EGFR: variants seen among roughly 807,000 people sequenced by gnomAD.
The protein encoded by EGFR is epidermal growth factor receptor.
EGFR carries 58 observed loss-of-function variants against 143.0 expected under a neutral mutation model. The ratio of observed to expected loss-of-function variants is 0.41; its 90% CI spans 0.33 to 0.50. The LOEUF (loss-of-function observed/expected upper bound fraction) is 0.50. Ranked by LOEUF, EGFR falls within the 20% of genes least tolerant of loss-of-function variation. The pLI is 0.39. For missense variants in EGFR, 1,307 were observed against 1,579.0 expected, an observed-to-expected ratio of 0.83 and a Z score of 2.92; for synonymous variants, 613 against 594.4, an observed-to-expected ratio of 1.03 and a Z score of -0.45.
chr7:55,177,440 T>G (rs944985228), intron 19 of EGFR, among the ~76,000 whole-genome samples: 7 of 152,178 alleles, frequency 4.6e-5, no homozygotes, highest in African/African-American at 1.7e-4. Context: ...CACGTTCCCC[T>G]GCAGACACCA....
In EGFR at chr7:55,095,465, C is replaced by A. The variant is rs187167337; in HGVS notation, c.89-46821C>A. Among the ~76,000 whole-genome samples, 7 of 152,328 alleles carry A rather than the reference C, an allele frequency of 4.6e-5. No homozygotes were observed. The East Asian group carries it at 1.3e-3, about 29-fold the overall frequency. ...CAGTGGGTCCTGAATTAGGCCCTGTCCTTTGGGAGAGACAGTCCTGGTTCA... is the reference window on the plus strand; with the variant it reads ...CAGTGGGTCCTGAATTAGGCCCTGTACTTTGGGAGAGACAGTCCTGGTTCA... On this transcript the variant is annotated intron_variant, in intron 1 of 27. Coordinates refer to ENST00000275493, the MANE Select transcript of EGFR (RefSeq NM_005228.5).
At chr7:55,022,078 G>A (rs1478909933) in intron 1 of EGFR, among the ~76,000 whole-genome samples, 1 of 152,156 alleles carries the variant, frequency 6.6e-6, no homozygotes, top group African/African-American at 2.4e-5. Context: ...GCTTCAACGC[G>A]GGCTGTCCGG....
intron 1 of EGFR, among the ~76,000 whole-genome samples, chr7:55,142,011 A>G (rs1031209179): frequency 6.6e-6 from 1 of 152,158 alleles, no homozygotes; most frequent in Non-Finnish European, 1.5e-5. Flanking sequence ...GGGACAAGCT[A>G]TCTCTTATTA....
chr7:55,200,735 G>A (rs958847108), intron 24 of EGFR: 11 of 502,770 alleles, frequency 2.2e-5, no homozygotes, highest in African/African-American at 1.7e-4. Flanking sequence ...TCAGGCAGAC[G>A]TGGCTTCACA....
chr7:55,160,356 G>C lies in EGFR; in HGVS notation c.1498+18G>C, dbSNP rs2128941811. The stretch of plus-strand genomic sequence containing the variant: ...CAGCTGCAGTAAGTCACCGCTTTCT[G>C]TTTAGTTTATGGAGTTGGTTCTAAT... On this transcript the variant is annotated intron_variant, in intron 12 of 27. Coordinates refer to ENST00000275493, the MANE Select transcript of EGFR (RefSeq NM_005228.5). 6.2e-7 allele frequency: 1 copy of C among 1,611,292 alleles called. No individual in the cohort carries two copies. Among genetic ancestry groups the C allele is most frequent in the Non-Finnish European group, 8.5e-7 (1 of 1,179,706 alleles).
At chr7:55,064,874 A>C (rs1418548165) in intron 1 of EGFR, among the ~76,000 whole-genome samples, 2 of 152,238 alleles carry the variant, frequency 1.3e-5, no homozygotes, top group Non-Finnish European at 2.9e-5. Context: ...TGTTTTAGCA[A>C]ATAACCTGCC....
chr7:55,057,052 G>A (rs1358020731), intron 1 of EGFR, among the ~76,000 whole-genome samples: 3 of 152,214 alleles, frequency 2.0e-5, no homozygotes, highest in Admixed American at 6.5e-5. Flanking sequence ...CAGACTTATA[G>A]GTGGTGCGAC....
intron 23 of EGFR, among the ~76,000 whole-genome samples, chr7:55,199,620 C>CT (rs1278025538): frequency 6.6e-6 from 1 of 152,206 alleles, no homozygotes; most frequent in African/African-American, 2.4e-5. Flanking sequence ...GCTTGATATG[C>CT]TGTGGATGGA....
At chr7:55,081,248 G>A (rs769598026) in intron 1 of EGFR, among the ~76,000 whole-genome samples, 13 of 152,274 alleles carry the variant, frequency 8.5e-5, no homozygotes, top group South Asian at 2.1e-4. Flanking sequence ...GACTTTTGGC[G>A]GCAGAAGGAA....
intron 1 of EGFR, among the ~76,000 whole-genome samples, chr7:55,133,207 C>T (rs1271541679): frequency 1.3e-5 from 2 of 152,154 alleles, no homozygotes; most frequent in Admixed American, 6.5e-5. Flanking sequence ...AGGGTGCCTT[C>T]GGTTGTGAGG....
intron 7 of EGFR, among the ~76,000 whole-genome samples, chr7:55,155,573 C>G (rs553856366): frequency 3.7e-4 from 56 of 152,242 alleles, no homozygotes; most frequent in Non-Finnish European, 7.5e-4. Flanking sequence ...CGCAAAACAG[C>G]TGGCCCCTCA....
intron 1 of EGFR, among the ~76,000 whole-genome samples, chr7:55,045,721 G>C (rs1403524894): frequency 6.6e-6 from 1 of 152,224 alleles, no homozygotes; most frequent in Non-Finnish European, 1.5e-5. Flanking sequence ...AAAGTGAAAA[G>C]TGCCTGGCAT....
At chr7:55,072,535 A>C (rs1789892175) in intron 1 of EGFR, among the ~76,000 whole-genome samples, 1 of 152,140 alleles carries the variant, frequency 6.6e-6, no homozygotes, top group Admixed American at 6.5e-5. Flanking sequence ...TGCTCTCATG[A>C]GTGGTGATGC....
At chr7:55,169,139 C>T (rs1786221481) in intron 15 of EGFR, among the ~76,000 whole-genome samples, 1 of 150,654 alleles carries the variant, frequency 6.6e-6, no homozygotes, top group African/African-American at 2.4e-5. Context: ...CTTGTTCTGT[C>T]ACCCTGGCTG....
rs369585356 is a variant in EGFR at position 55,205,585 on chromosome 7, G to A, written c.3601G>A (p.Ala1201Thr). 20 of 1,613,998 alleles carry A rather than the reference G, an allele frequency of 1.2e-5. No individual in the cohort carries two copies. Among genetic ancestry groups the A allele is most frequent in the African/African-American group, 5.3e-5 (4 of 74,902 alleles). The change falls in exon 28 of 28, where the codon GCG (alanine) becomes ACG (threonine). Residue 1201 changes from alanine (A) to threonine (T), a missense_variant. Transcript: ENST00000275493. The part of the protein sequence containing the change: ...TAENAEYLRV[A>T]PQSSEFIGA ...TGAAAATGCAGAATACCTAAGGGTC[G>A]CGCCACAAAGCAGTGAATTTATTGG...
intron 4 of EGFR, among the ~76,000 whole-genome samples, chr7:55,150,616 T>C (rs1220132211): frequency 1.3e-5 from 2 of 152,202 alleles, no homozygotes; most frequent in Non-Finnish European, 2.9e-5. Flanking sequence ...TATATAGATA[T>C]AGCACTTCGA....
At chr7:55,205,125 G>C (rs1583664895) in intron 27 of EGFR, 131 bp from the exon 28 acceptor site, 4 of 1,367,046 alleles carry the variant, frequency 2.9e-6, no homozygotes, top group African/African-American at 2.9e-5. Flanking sequence ...CAGCAAGAGG[G>C]CCCTCCCGAG....
intron 24 of EGFR, 118 bp from the exon 25 acceptor site, chr7:55,201,070 T>C (rs1283166977): frequency 7.8e-7 from 1 of 1,277,134 alleles, no homozygotes. Context: ...GGGATTTCAT[T>C]ATAACAAAAT....
At chr7:55,038,746 G>A (rs954137303) in intron 1 of EGFR, among the ~76,000 whole-genome samples, 13 of 151,838 alleles carry the variant, frequency 8.6e-5, no homozygotes, top group Admixed American at 6.6e-5. Context: ...GTGTGTGTAT[G>A]TGTGTGTGTG....
Sources: allele counts gnomAD v4.1 joint callset (sites outside exome capture counted in the v4.1 genomes callset), GRCh38; gene constraint gnomAD v4.1.1; transcripts MANE v1.5; gene names NCBI Gene and HGNC (gene_info 2026-07-23, HGNC 2026-07-21).